Variants in CEP350 observed in about 807,000 individuals in gnomAD.
CEP350 encodes the protein centrosome-associated protein 350.
A neutral mutation model predicts 331.8 loss-of-function variants in CEP350; 126 were observed. The ratio of observed to expected loss-of-function variants is 0.38; its 90% CI spans 0.33 to 0.44. The LOEUF (loss-of-function observed/expected upper bound fraction) is 0.44. Ranked by LOEUF, CEP350 falls within the 20% of genes least tolerant of loss-of-function variation. The probability of loss-of-function intolerance (pLI) is 1.00; values close to 1 mark genes in which losing one functional copy is unlikely to be tolerated. For synonymous variants in CEP350, 1,200 were observed against 1,259.5 expected, an observed-to-expected ratio of 0.95 and a Z score of 1.00; for missense variants, 3,406 against 3,634.6, an observed-to-expected ratio of 0.94 and a Z score of 1.62.
chr1:180,073,947 C>G, intron 27 of CEP350: 1 of 1,301,004 alleles, frequency 7.7e-7, no homozygotes. Flanking sequence ...TTTGATAGAG[C>G]ATGCTCTGTT....
At chr1:180,028,207 T>C (rs1052847743) in intron 14 of CEP350, among the ~76,000 whole-genome samples, 1 of 152,232 alleles carries the variant, frequency 6.6e-6, no homozygotes, top group Non-Finnish European at 1.5e-5. Context: ...CACTGTAATA[T>C]GCTAGTGCAT....
Position 180,022,755 on chromosome 1 carries a change from C to T in CEP350, c.3293C>T (p.Ala1098Val). The T allele has an allele frequency of 1.2e-6, 2 of 1,611,354 alleles. No homozygotes were observed. Among genetic ancestry groups the T allele is most frequent in the Middle Eastern group, 1.6e-4 (1 of 6,062 alleles). Residue 1098 changes from alanine (A) to valine (V), a missense_variant, in exon 13 of 38, where the codon GCA becomes GTA. Ala to Val is a moderately conservative substitution (Grantham distance 64, BLOSUM62 0). Transcript: ENST00000367607. ...ACATCACGGCCTTTGAATGCCACCG[C>T]AACTCCTCTAAGTGGTGTTTCATAT... is the stretch of plus-strand genomic sequence containing the variant. ...TSTSRPLNATATPLSGVSYED... is the reference protein window; with the variant it reads ...TSTSRPLNATVTPLSGVSYED...
chr1:179,972,843 G>A (rs910452172), intron 1 of CEP350, among the ~76,000 whole-genome samples: 2 of 151,386 alleles, frequency 1.3e-5, no homozygotes, highest in Admixed American at 6.6e-5. Flanking sequence ...AAGAGTCAGA[G>A]TCTAAATGGA....
At chr1:180,070,983 A>G (rs1470145972) in intron 27 of CEP350, among the ~76,000 whole-genome samples, 1 of 151,736 alleles carries the variant, frequency 6.6e-6, no homozygotes, top group East Asian at 2.0e-4. Flanking sequence ...CCCCATCTCT[A>G]CTAAAAATAC....
intron 1 of CEP350, chr1:179,969,224 A>C (rs1651250650): frequency 1.9e-6 from 1 of 528,448 alleles, no homozygotes; most frequent in East Asian, 4.4e-5. Flanking sequence ...GTGGGAAGTC[A>C]TGCCTGATCT....
chr1:179,993,998 A>G (rs1407108967), intron 5 of CEP350, among the ~76,000 whole-genome samples: 1 of 152,184 alleles, frequency 6.6e-6, no homozygotes, highest in Non-Finnish European at 1.5e-5. Context: ...ATATCTGCCC[A>G]TTAGTCTATC....
chr1:180,077,672 A>G (rs1380614156), intron 28 of CEP350, among the ~76,000 whole-genome samples: 1 of 19,868 alleles, frequency 5.0e-5, no homozygotes, highest in Non-Finnish European at 2.2e-4. Context: ...CTCAAAAAGT[A>G]AAAAAAAAAA....
chr1:180,054,338 A>G, intron 24 of CEP350, 77 bp from the exon 25 acceptor site: 1 of 1,162,436 alleles, frequency 8.6e-7, no homozygotes, highest in Non-Finnish European at 1.3e-6. Context: ...ACTTTTTAGT[A>G]GTCAAGAATT....
At chr1:180,058,070 G>A (rs754427825) in intron 25 of CEP350, among the ~76,000 whole-genome samples, 3 of 152,068 alleles carry the variant, frequency 2.0e-5, no homozygotes, top group Admixed American at 6.5e-5. Context: ...CCACTACCTG[G>A]TTCAGTTGAG....
At chr1:179,974,286 T>C (rs535203624) in intron 1 of CEP350, among the ~76,000 whole-genome samples, 3 of 152,286 alleles carry the variant, frequency 2.0e-5, no homozygotes, top group South Asian at 4.2e-4. Context: ...TTCACCATGT[T>C]AGCCAGGATG....
chr1:179,955,239 C>G, intron 1 of CEP350, 97 bp downstream of exon 1: 1 of 1,113,538 alleles, frequency 9.0e-7, no homozygotes, highest in South Asian at 1.9e-5. Flanking sequence ...GCAAGAGAGG[C>G]GGGGCCGGGC....
At chr1:180,056,052 C>T (rs1657819949) in intron 25 of CEP350, among the ~76,000 whole-genome samples, 1 of 151,856 alleles carries the variant, frequency 6.6e-6, no homozygotes, top group Non-Finnish European at 1.5e-5. Flanking sequence ...TGATAGTATC[C>T]TTTGAAGTAT....
At chr1:179,961,169 G>C (rs1650580480) in intron 1 of CEP350, among the ~76,000 whole-genome samples, 1 of 152,138 alleles carries the variant, frequency 6.6e-6, no homozygotes, top group Non-Finnish European at 1.5e-5. Context: ...CTCATGGCCA[G>C]GCGCGGTGGC....
Position 180,014,504 on chromosome 1 carries a change from A to C in CEP350, c.2051A>C (p.Gln684Pro). The change falls in exon 10 of 38, where the codon CAG (glutamine) becomes CCG (proline). Residue 684 changes from glutamine (Q) to proline (P), a missense_variant and splice_region_variant. Physicochemically the swap from Gln to Pro is moderately conservative, Grantham distance 76 (BLOSUM62 -1). Around this residue, in one of 5 missense-constraint regions of CEP350, gnomAD observed 1,857 missense variants for 1,909.2 expected, o/e 0.97. Transcript: ENST00000367607. ...PSHQHVTQET[Q>P]AKPGYQPSGE... is the part of the protein sequence containing the mutation. ...CATCAACATGTTACGCAGGAAACAC[A>C]GGTAATAGTAGTGACATATACAAAG... 6.3e-7 allele frequency: 1 copy of C among 1,594,324 alleles called. No individual in the cohort carries two copies. The highest frequency in any genetic ancestry group is 8.5e-7 in the Non-Finnish European group (1 of 1,172,536).
rs761674978 is a variant in CEP350, at chr1:180,096,150, G to A, written c.9032G>A (p.Arg3011Gln). 7.0e-6 allele frequency: 11 copies of A among 1,569,894 alleles called. No individual in the cohort carries two copies. The highest frequency in any genetic ancestry group is 2.3e-5 in the East Asian group (1 of 43,528). Residue 3011 changes from arginine (R) to glutamine (Q), a missense_variant, in exon 36 of 38, where the codon CGA becomes CAA. Around this residue, in one of 5 missense-constraint regions of CEP350, gnomAD observed 1,415 missense variants for 1,512.3 expected, o/e 0.94. Coordinates refer to ENST00000367607, the MANE Select transcript of CEP350 (RefSeq NM_014810.5). ...AGAATCAACTCTAGTTATTTCCGACGAGTGAAAAATCCAAATAACCTTGAT... is the reference window on the plus strand; with the variant it reads ...AGAATCAACTCTAGTTATTTCCGACAAGTGAAAAATCCAAATAACCTTGAT... ...PCRINSSYFRRVKNPNNLDEI... is the reference protein window; with the variant it reads ...PCRINSSYFRQVKNPNNLDEI...
intron 25 of CEP350, 95 bp downstream of exon 25, chr1:180,054,597 C>T (rs1657702767): frequency 3.5e-6 from 3 of 852,618 alleles, no homozygotes; most frequent in East Asian, 5.4e-5. Flanking sequence ...TTATCATTGC[C>T]TTAAATGAGA....
rs1463896513 is a variant in CEP350, at chr1:180,020,240, G to A, written c.2466G>A (p.Leu822=). The A allele has an allele frequency of 6.2e-7, 1 of 1,613,898 alleles. No homozygotes were observed. The highest frequency in any genetic ancestry group is 1.3e-5 in the African/African-American group (1 of 74,938). ...KPSASQYKSK[L]DRIEALKATA... The stretch of plus-strand genomic sequence containing the variant: ...GTGCCAGCCAATATAAGAGTAAACT[G>A]GATCGTATTGAAGCCTTGAAAGCAA... The change falls in exon 12 of 38, where the codon CTG becomes CTA. Residue 822 remains leucine (L), a synonymous_variant. Coordinates refer to ENST00000367607, the MANE Select transcript of CEP350 (RefSeq NM_014810.5).
Position 180,043,148 on chromosome 1 carries a change from T to G in CEP350, c.4455T>G (p.Leu1485=), listed in dbSNP as rs781750539. The G allele has an allele frequency of 6.2e-7, 1 of 1,613,788 alleles. No homozygotes were observed. The highest frequency in any genetic ancestry group is 1.7e-5 in the Admixed American group (1 of 59,980). ...TGTATGACCACCAACGGCAGCACCTTCCAGACTTTGTGAAACAGCTGAGGA... is the reference window on the plus strand; with the variant it reads ...TGTATGACCACCAACGGCAGCACCTGCCAGACTTTGTGAAACAGCTGAGGA... The part of the protein sequence containing the change: ...AILYDHQRQH[L]PDFVKQLRTR... Residue 1485 remains leucine, a synonymous_variant, in exon 20 of 38, where the codon CTT becomes CTG. Coordinates refer to ENST00000367607, the MANE Select transcript of CEP350 (RefSeq NM_014810.5).
At chr1:180,014,791 A>G (rs1654865291) in intron 10 of CEP350, among the ~76,000 whole-genome samples, 1 of 152,230 alleles carries the variant, frequency 6.6e-6, no homozygotes. Flanking sequence ...GAACAAGTAC[A>G]GTTGACCTTT....
Sources: allele counts gnomAD v4.1 joint callset (sites outside exome capture counted in the v4.1 genomes callset), GRCh38; gene constraint gnomAD v4.1.1; regional missense constraint gnomAD v4.1.1; transcripts MANE v1.5; gene names NCBI Gene and HGNC (gene_info 2026-07-23, HGNC 2026-07-21).